HS6ST2: variants seen among roughly 807,000 people sequenced by gnomAD.
The protein encoded by HS6ST2 is heparan-sulfate 6-O-sulfotransferase 2.
Under a neutral mutation model 33.0 loss-of-function variants are expected in HS6ST2, and 17 were observed. That is an observed-to-expected ratio of 0.52 (90% CI 0.35 to 0.77). The LOEUF (loss-of-function observed/expected upper bound fraction) is 0.77, where lower values mean the gene tolerates loss of function less well. Ranked by LOEUF, HS6ST2 falls within the 30% of genes least tolerant of loss-of-function variation. HS6ST2 has a pLI of 0.01. For missense variants in HS6ST2, 519 were observed against 551.7 expected (o/e 0.94, Z 0.59); for synonymous variants, 248 against 237.1 (o/e 1.05, Z -0.42).
chrX:132,800,230 G>A (rs2065221129), intron 2 of HS6ST2, among the ~76,000 whole-genome samples: 1 of 111,158 alleles, frequency 9.0e-6, no homozygotes, highest in Non-Finnish European at 1.9e-5. Context: ...AGATTCTCAT[G>A]GCAGTGCAAA....
chrX:132,894,016 T>C (rs2066342299), intron 2 of HS6ST2, among the ~76,000 whole-genome samples: 1 of 110,419 alleles, frequency 9.1e-6, no homozygotes, highest in African/African-American at 3.3e-5. Context: ...AATACACTTC[T>C]GGCAATCAGC....
chrX:132,866,919 C>T (rs1455984569), intron 2 of HS6ST2, among the ~76,000 whole-genome samples: 1 of 106,367 alleles, frequency 9.4e-6, no homozygotes, highest in Admixed American at 1.0e-4. Context: ...ATCATGTCGT[C>T]TGCAAACAGG....
chrX:132,890,576 G>T, intron 2 of HS6ST2, among the ~76,000 whole-genome samples: 1 of 109,658 alleles, frequency 9.1e-6, no homozygotes, highest in East Asian at 2.9e-4. Context: ...AGAACACCTT[G>T]AGCTCATCTA....
At chrX:132,644,926 T>G (rs1488303420) in intron 4 of HS6ST2, among the ~76,000 whole-genome samples, 1 of 111,307 alleles carries the variant, frequency 9.0e-6, no homozygotes, top group Admixed American at 9.5e-5. Flanking sequence ...ATACAACTTG[T>G]AAGGGTAAAG....
chrX:132,873,187 TTACTGC>T (rs2066080707), intron 2 of HS6ST2, among the ~76,000 whole-genome samples: 1 of 112,113 alleles, frequency 8.9e-6, no homozygotes. Flanking sequence ...TTTTACTCTA[TTACTGC>T]TACTGTAAAT....
intron 2 of HS6ST2, among the ~76,000 whole-genome samples, chrX:132,878,124 GAC>G (rs1248060230): frequency 1.8e-5 from 2 of 112,138 alleles, no homozygotes; most frequent in Non-Finnish European, 3.8e-5. Flanking sequence ...CTCGTCTCAT[GAC>G]TAGGAAGAAT....
intron 2 of HS6ST2, among the ~76,000 whole-genome samples, chrX:132,928,591 C>T: frequency 9.0e-6 from 1 of 111,135 alleles, no homozygotes; most frequent in East Asian, 2.9e-4. Flanking sequence ...GACAAATATC[C>T]AAACTATATC....
rs1037876627 is a variant in HS6ST2 at position 132,729,095 on chromosome X, G to C, written c.948-20601C>G. Among the ~76,000 whole-genome samples the C allele has an allele frequency of 2.7e-5, 3 of 112,282 alleles. No individual in the cohort carries two copies. In the Admixed American group the frequency reaches 2.8e-4, roughly 11 times the overall value. Reference sequence around the variant, plus strand: ...TGCCAGTCACTGTCCAGGAAGAGCTGAGGCACAATGCCAAAGGACCCTCCT... The same window carrying C: ...TGCCAGTCACTGTCCAGGAAGAGCTCAGGCACAATGCCAAAGGACCCTCCT... On this transcript the variant is annotated intron_variant, in intron 2 of 4. Transcript: ENST00000370833.
intron 2 of HS6ST2, among the ~76,000 whole-genome samples, chrX:132,946,963 T>C (rs2066963879): frequency 9.0e-6 from 1 of 111,532 alleles, no homozygotes; most frequent in African/African-American, 3.3e-5. Flanking sequence ...AAATGTTATG[T>C]GGTCGGTGAA....
intron 2 of HS6ST2, among the ~76,000 whole-genome samples, chrX:132,894,327 G>A (rs1352469671): frequency 1.9e-5 from 2 of 107,299 alleles, no homozygotes; most frequent in Non-Finnish European, 3.8e-5. Flanking sequence ...TTTTAGTAGA[G>A]ATGGGGTTTC....
chrX:132,776,241 G>A (rs1049032564), intron 2 of HS6ST2, among the ~76,000 whole-genome samples: 2 of 111,742 alleles, frequency 1.8e-5, no homozygotes, highest in Non-Finnish European at 1.9e-5. Flanking sequence ...GAGAATTGTC[G>A]CAAGACACAG....
intron 2 of HS6ST2, among the ~76,000 whole-genome samples, chrX:132,937,981 G>A (rs2066843478): frequency 9.8e-6 from 1 of 101,545 alleles, no homozygotes; most frequent in Non-Finnish European, 1.9e-5. Flanking sequence ...GGACAACATA[G>A]TGAGACCCCA....
chrX:132,792,901 G>A (rs1005014313), intron 2 of HS6ST2, among the ~76,000 whole-genome samples: 2 of 109,680 alleles, frequency 1.8e-5, no homozygotes, highest in African/African-American at 6.7e-5. Flanking sequence ...TCAGTTGATG[G>A]GCATGTAGAT....
chrX:132,793,916 C>T (rs955506571), intron 2 of HS6ST2, among the ~76,000 whole-genome samples: 3 of 112,007 alleles, frequency 2.7e-5, no homozygotes, highest in Non-Finnish European at 5.6e-5. Context: ...CATATGTGCC[C>T]GTTTTGCCGG....
chrX:132,813,619 G>GA (rs753980877), intron 2 of HS6ST2, among the ~76,000 whole-genome samples: 2 of 111,320 alleles, frequency 1.8e-5, no homozygotes, highest in South Asian at 3.8e-4. Flanking sequence ...CATACAGGCT[G>GA]AAAAAATCAT....
chrX:132,710,193 G>A (rs926389284), intron 2 of HS6ST2, among the ~76,000 whole-genome samples: 3 of 110,848 alleles, frequency 2.7e-5, no homozygotes, highest in Non-Finnish European at 5.7e-5. Context: ...CCATGAAGAC[G>A]TTACAGGTGC....
At position 132,806,841 on chromosome X, in the gene HS6ST2, C is replaced by T. The variant is rs2065288595; in HGVS notation, c.948-98347G>A. Reference sequence around the variant, plus strand: ...GGAAAACTGTGTAGCATCTTATACCCCTAATTGAAAGGGTAAGTAAATTAT... The same window carrying T: ...GGAAAACTGTGTAGCATCTTATACCTCTAATTGAAAGGGTAAGTAAATTAT... On this transcript the variant is annotated intron_variant, in intron 2 of 4. Transcript: ENST00000370833. 1.8e-5 allele frequency among the ~76,000 whole-genome samples: 2 copies of T among 109,542 alleles called. 1 individual carries two copies. The highest frequency in any genetic ancestry group is 3.8e-5 in the Non-Finnish European group (2 of 52,024).
At chrX:132,743,288 C>T (rs766813759) in intron 2 of HS6ST2, among the ~76,000 whole-genome samples, 6 of 111,968 alleles carry the variant, frequency 5.4e-5, no homozygotes, top group African/African-American at 1.6e-4. Flanking sequence ...CTTTCATTGA[C>T]GGGAAGCTCT....
intron 2 of HS6ST2, among the ~76,000 whole-genome samples, chrX:132,906,440 T>A (rs1394806249): frequency 3.6e-5 from 4 of 112,405 alleles, no homozygotes; most frequent in African/African-American, 1.3e-4. Flanking sequence ...TGTACAATCA[T>A]ATCTATGCAA....
Sources: gnomAD v4.1 joint callset for allele counts (sites outside exome capture counted in the v4.1 genomes callset) on GRCh38, gnomAD v4.1.1 for gene constraint, MANE v1.5 for transcripts, NCBI Gene and HGNC (gene_info 2026-07-23, HGNC 2026-07-21) for gene names.